MBOAT2: variants seen among roughly 807,000 people sequenced by gnomAD.
The protein encoded by MBOAT2 is membrane-bound glycerophospholipid O-acyltransferase 2.
MBOAT2 carries 28 observed loss-of-function variants against 63.4 expected under a neutral mutation model. The observed-to-expected ratio is 0.44, with a 90% CI of 0.33 to 0.61. The LOEUF is 0.61. Among genes scored for constraint, MBOAT2 ranks in the 20% least tolerant of loss-of-function variants. The pLI is 0.03. For synonymous variants in MBOAT2, 211 were observed against 215.6 expected (o/e 0.98, Z 0.19); for missense variants, 470 against 605.8 (o/e 0.78, Z 2.35).
intron 4 of MBOAT2, among the ~76,000 whole-genome samples, chr2:8,894,815 G>A (rs879641949): frequency 2.0e-5 from 3 of 152,220 alleles, no homozygotes; most frequent in Non-Finnish European, 4.4e-5. Flanking sequence ...CTGACTTCAG[G>A]AGTGAAGCTG....
At chr2:8,860,021 TAA>T (rs1274922379) in intron 12 of MBOAT2, among the ~76,000 whole-genome samples, 1 of 143,356 alleles carries the variant, frequency 7.0e-6, no homozygotes, top group Admixed American at 7.0e-5. Context: ...CCATCTCTAC[TAA>T]AAAAAAAAAC....
intron 2 of MBOAT2, among the ~76,000 whole-genome samples, chr2:8,943,506 T>C (rs1035743886): frequency 2.6e-5 from 4 of 152,218 alleles, no homozygotes; most frequent in African/African-American, 9.6e-5. Flanking sequence ...CAGCACTCCA[T>C]GTCTCCTGGC....
intron 3 of MBOAT2, among the ~76,000 whole-genome samples, chr2:8,916,078 C>T (rs1272505080): frequency 6.6e-6 from 1 of 152,200 alleles, no homozygotes; most frequent in East Asian, 1.9e-4. Context: ...GGCACGTCTA[C>T]ATGTGCAGGG....
intron 1 of MBOAT2, among the ~76,000 whole-genome samples, chr2:8,996,222 G>A (rs541433999): frequency 4.1e-4 from 62 of 152,326 alleles, no homozygotes; most frequent in Non-Finnish European, 6.8e-4. Context: ...ATTTCATTCT[G>A]AGTATCAGAG....
At chr2:8,908,780 A>G (rs1311286412) in intron 3 of MBOAT2, 64 bp from the exon 4 acceptor site, 4 of 928,038 alleles carry the variant, frequency 4.3e-6, no homozygotes, top group Non-Finnish European at 6.9e-6. Flanking sequence ...AGTACATTTT[A>G]AAGTAATTTA....
intron 1 of MBOAT2, among the ~76,000 whole-genome samples, chr2:8,981,935 C>T (rs1243440419): frequency 6.6e-6 from 1 of 152,094 alleles, no homozygotes; most frequent in Admixed American, 6.6e-5. Context: ...GGAAAGAGCA[C>T]ACAAAACTCA....
intron 3 of MBOAT2, among the ~76,000 whole-genome samples, chr2:8,920,052 T>C (rs1280674943): frequency 1.3e-5 from 2 of 152,154 alleles, no homozygotes; most frequent in African/African-American, 4.8e-5. Context: ...AGGCGTGTGC[T>C]ATCACACTCA....
intron 1 of MBOAT2, among the ~76,000 whole-genome samples, chr2:8,985,578 C>T (rs1337524980): frequency 1.3e-5 from 2 of 152,190 alleles, no homozygotes; most frequent in Admixed American, 6.5e-5. Flanking sequence ...CCCGCCCTGT[C>T]CCCTAGCTTC....
intron 3 of MBOAT2, among the ~76,000 whole-genome samples, chr2:8,929,004 C>G (rs1040498661): frequency 1.3e-5 from 2 of 152,058 alleles, no homozygotes; most frequent in Non-Finnish European, 2.9e-5. Context: ...AAGAACAGAA[C>G]AGCCAGATAA....
At chr2:8,960,582 G>A (rs985187643) in intron 1 of MBOAT2, among the ~76,000 whole-genome samples, 2 of 152,084 alleles carry the variant, frequency 1.3e-5, no homozygotes, top group African/African-American at 4.8e-5. Flanking sequence ...CATAGGAGGG[G>A]GCAGCTTCCC....
chr2:8,954,799 G>T (rs2103266698), intron 2 of MBOAT2, among the ~76,000 whole-genome samples: 1 of 152,274 alleles, frequency 6.6e-6, no homozygotes, highest in East Asian at 1.9e-4. Context: ...TGTCCAGGAG[G>T]GGTGGGGTGG....
chr2:8,980,892 A>C (rs1041002716), intron 1 of MBOAT2, among the ~76,000 whole-genome samples: 1 of 152,178 alleles, frequency 6.6e-6, no homozygotes, highest in Non-Finnish European at 1.5e-5. Flanking sequence ...CTACACAAAA[A>C]CTTCTACAAA....
chr2:8,910,633 TA>T (rs1193537762), intron 3 of MBOAT2, among the ~76,000 whole-genome samples: 2 of 152,076 alleles, frequency 1.3e-5, no homozygotes, highest in South Asian at 2.1e-4. Context: ...CTCTGATAGA[TA>T]AAAAAAAGTT....
intron 3 of MBOAT2, among the ~76,000 whole-genome samples, chr2:8,931,052 A>G (rs1356813683): frequency 6.6e-6 from 1 of 151,998 alleles, no homozygotes; most frequent in Admixed American, 6.5e-5. Flanking sequence ...CTCTGGCATT[A>G]CAGGATTGCT....
intron 10 of MBOAT2, 25 bp downstream of exon 10, chr2:8,864,145 A>T (rs1037447346): frequency 2.6e-6 from 4 of 1,527,162 alleles, no homozygotes; most frequent in African/African-American, 1.4e-5. Flanking sequence ...AAGCACATCT[A>T]AAGATCGTTT....
chr2:8,880,132 G>A (rs1572950077), intron 6 of MBOAT2, among the ~76,000 whole-genome samples: 2 of 152,032 alleles, frequency 1.3e-5, no homozygotes, highest in Non-Finnish European at 1.5e-5. Flanking sequence ...AGCTTCCCTG[G>A]CTGCTAGCTG....
At chr2:8,937,213 C>T (rs1020540529) in intron 3 of MBOAT2, among the ~76,000 whole-genome samples, 3 of 152,206 alleles carry the variant, frequency 2.0e-5, no homozygotes, top group African/African-American at 7.2e-5. Context: ...CCCCATGGGG[C>T]AGGCCCTGAG....
chr2:8,923,607 C>T (rs1666734933), intron 3 of MBOAT2, among the ~76,000 whole-genome samples: 1 of 152,118 alleles, frequency 6.6e-6, no homozygotes, highest in Non-Finnish European at 1.5e-5. Flanking sequence ...ACAATACCTG[C>T]TGTTCTCAGT....
intron 4 of MBOAT2, among the ~76,000 whole-genome samples, chr2:8,903,020 A>G (rs1471017188): frequency 6.6e-6 from 1 of 152,138 alleles, no homozygotes; most frequent in Non-Finnish European, 1.5e-5. Context: ...TGCGTTTACA[A>G]TCCTTTAGGT....
Sources: gnomAD v4.1 joint callset for allele counts (sites outside exome capture counted in the v4.1 genomes callset) on GRCh38, gnomAD v4.1.1 for gene constraint, MANE v1.5 for transcripts, NCBI Gene and HGNC (gene_info 2026-07-23, HGNC 2026-07-21) for gene names.